Variants in MGAT5B observed in about 807,000 individuals in gnomAD.
The protein encoded by MGAT5B is N-acetylglucosaminyl-transferase Vb.
In MGAT5B, 54 loss-of-function variants were observed where a neutral mutation model predicts 95.1. The observed-to-expected ratio is 0.57, with a 90% CI of 0.46 to 0.71. The LOEUF is 0.71. Among genes scored for constraint, MGAT5B ranks in the 30% least tolerant of loss-of-function variants. MGAT5B has a pLI of 0.00. For synonymous variants in MGAT5B, 464 were observed against 451.0 expected, an observed-to-expected ratio of 1.03 and a Z score of -0.36; for missense variants, 935 against 1,088.6, an observed-to-expected ratio of 0.86 and a Z score of 1.99.
At chr17:76,928,198 C>A (rs1025504315) in intron 10 of MGAT5B, among the ~76,000 whole-genome samples, 13 of 152,088 alleles carry the variant, frequency 8.5e-5, no homozygotes, top group African/African-American at 2.9e-4. Context: ...CGGGACCAGA[C>A]TCCTTCTGCA....
At position 76,948,842 on chromosome 17, in the gene MGAT5B, CG is replaced by C; in HGVS notation, c.*5del. 6.3e-7 allele frequency: 1 copy of C among 1,579,202 alleles called. No homozygotes were observed. On this transcript the variant is annotated 3_prime_UTR_variant, in exon 18 of 18. Coordinates refer to ENST00000569840, the MANE Select transcript of MGAT5B (RefSeq NM_001199172.2). ...CTTGTGCCAGGGCTGTCTGTGAATC[CG>C]CCTCTGCCGCCCTGCCTGGCACCCA...
chr17:76,880,049 G>A (rs1028912040), intron 2 of MGAT5B, among the ~76,000 whole-genome samples: 3 of 152,198 alleles, frequency 2.0e-5, no homozygotes, highest in Non-Finnish European at 4.4e-5. Flanking sequence ...TCTGTTTTCC[G>A]TAGAGGGACT....
chr17:76,893,659 TTTGTA>T (rs1967963075), intron 3 of MGAT5B, among the ~76,000 whole-genome samples: 1 of 152,046 alleles, frequency 6.6e-6, no homozygotes, highest in East Asian at 1.9e-4. Flanking sequence ...GAATTCAAGG[TTTGTA>T]CCCTGGTAAT....
At chr17:76,931,350 G>T (rs1297311938) in intron 10 of MGAT5B, among the ~76,000 whole-genome samples, 1 of 152,226 alleles carries the variant, frequency 6.6e-6, no homozygotes, top group East Asian at 1.9e-4. Context: ...ACCTGCCTTG[G>T]CCTACCAAAG....
Position 76,905,140 on chromosome 17 carries a change from G to A in MGAT5B, c.691-29G>A. ...AATGATGGTGGCCGCAGGTTGAGGG[G>A]CAGAGAGCTGAGGTCTGGACCCCTC... On this transcript the variant is annotated intron_variant, in intron 6 of 17. Coordinates refer to ENST00000569840, the MANE Select transcript of MGAT5B (RefSeq NM_001199172.2). This position sits in a 1 kb window ranked among gnomAD's most constrained non-coding sequence, Gnocchi z 4.2. 1 of 1,579,016 alleles carries A rather than the reference G, an allele frequency of 6.3e-7. No homozygotes were observed. Among genetic ancestry groups the A allele is most frequent in the Non-Finnish European group, 8.7e-7 (1 of 1,155,980 alleles).
At chr17:76,893,619 T>C (rs1198979158) in intron 3 of MGAT5B, among the ~76,000 whole-genome samples, 1 of 152,226 alleles carries the variant, frequency 6.6e-6, no homozygotes, top group Non-Finnish European at 1.5e-5. Flanking sequence ...CCCAGGGGAT[T>C]GTCCCCTGTC....
At chr17:76,881,597 G>A (rs946678772) in intron 2 of MGAT5B, among the ~76,000 whole-genome samples, 4 of 152,300 alleles carry the variant, frequency 2.6e-5, no homozygotes, top group African/African-American at 4.8e-5. Context: ...CCCGGGCCCC[G>A]GGTCCTAGAG....
At chr17:76,895,594 C>T (rs1410815368) in intron 3 of MGAT5B, among the ~76,000 whole-genome samples, 2 of 152,148 alleles carry the variant, frequency 1.3e-5, no homozygotes, top group Non-Finnish European at 2.9e-5. Flanking sequence ...CTGATGGGAG[C>T]ACAATTTGAG....
Position 76,940,410 on chromosome 17 carries a change from C to G in MGAT5B, c.1593C>G (p.Ile531Met). 1.2e-6 allele frequency: 2 copies of G among 1,603,538 alleles called. No homozygotes were observed. The highest frequency in any genetic ancestry group is 1.1e-5 in the South Asian group (1 of 89,344). Residue 531 changes from isoleucine to methionine, a missense_variant, in exon 14 of 18, where the codon ATC (isoleucine) becomes ATG (methionine). Ile to Met is a conservative substitution (Grantham distance 10). This residue lies in a region of MGAT5B where 440 missense variants were observed against 523.6 expected (regional missense o/e 0.84). Coordinates refer to ENST00000569840, the MANE Select transcript of MGAT5B (RefSeq NM_001199172.2). This position sits in a 1 kb window ranked among gnomAD's most constrained non-coding sequence, Gnocchi z 4.3. ...QQLLRKAKLF[I>M]GFGFPYEGPA... ...GCCCCTTGACTCTGCAGCTCTTCAT[C>G]GGGTTTGGCTTCCCCTACGAGGGCC...
chr17:76,900,575 A>C (rs907397337), intron 3 of MGAT5B, among the ~76,000 whole-genome samples: 2 of 152,172 alleles, frequency 1.3e-5, no homozygotes, highest in African/African-American at 2.4e-5. Flanking sequence ...AGGAACACTG[A>C]GGGCTGCTGC....
In MGAT5B at chr17:76,947,955, G is replaced by C; in HGVS notation, c.2049G>C (p.Trp683Cys). The C allele has an allele frequency of 6.2e-7, 1 of 1,612,192 alleles. No individual in the cohort carries two copies. The highest frequency in any genetic ancestry group is 8.5e-7 in the Non-Finnish European group (1 of 1,179,182). Residue 683 changes from tryptophan to cysteine, a missense_variant, in exon 17 of 18, where the codon TGG (tryptophan) becomes TGC (cysteine). Around this residue, in one of 4 missense-constraint regions of MGAT5B, gnomAD observed 440 missense variants for 523.6 expected, o/e 0.84. Transcript: ENST00000569840. ...ACACCAGCTTGGCTCCTGGGGCCTG[G>C]CCCCCCGCGCACGCCCTGCGGGCCT... ...ARNTSLAPGA[W>C]PPAHALRAWL...
chr17:76,886,173 A>C (rs559655640), intron 3 of MGAT5B, among the ~76,000 whole-genome samples: 11 of 152,186 alleles, frequency 7.2e-5, no homozygotes, highest in Admixed American at 2.0e-4. Context: ...AAACCACCGA[A>C]ATTTGAGGCT....
chr17:76,926,862 C>T (rs1385437924), intron 10 of MGAT5B, 132 bp downstream of exon 10: 15 of 1,095,684 alleles, frequency 1.4e-5, no homozygotes, highest in Non-Finnish European at 2.0e-5. Flanking sequence ...TGGGACCCAG[C>T]AAGCATCGCC....
At chr17:76,901,979 C>T (rs1382967847) in intron 3 of MGAT5B, among the ~76,000 whole-genome samples, 1 of 152,272 alleles carries the variant, frequency 6.6e-6, no homozygotes, top group African/African-American at 2.4e-5. Flanking sequence ...CAGATATGGG[C>T]ACACGTGCCA....
chr17:76,882,625 C>T (rs950831027), intron 3 of MGAT5B: 2 of 226,112 alleles, frequency 8.8e-6, no homozygotes, highest in South Asian at 1.5e-4. Flanking sequence ...ATGTTTAACA[C>T]ACACACATTA....
chr17:76,880,716 C>T (rs1385002808), intron 2 of MGAT5B, among the ~76,000 whole-genome samples: 2 of 152,208 alleles, frequency 1.3e-5, no homozygotes, highest in Admixed American at 1.3e-4. Flanking sequence ...GTCCCCTTGC[C>T]CCTCCCCAGG....
intron 3 of MGAT5B, among the ~76,000 whole-genome samples, chr17:76,898,394 T>C (rs1968178889): frequency 6.6e-6 from 1 of 150,860 alleles, no homozygotes; most frequent in Admixed American, 6.6e-5. Context: ...AGTGACGCGA[T>C]CTCGGCTCAC....
intron 9 of MGAT5B, 82 bp from the exon 10 acceptor site, chr17:76,926,515 A>G (rs1969316584): frequency 7.2e-6 from 10 of 1,382,404 alleles, no homozygotes; most frequent in Non-Finnish European, 9.9e-6. Context: ...GGCTGGTGAC[A>G]GTGCTCGTGG....
At chr17:76,948,385 G>C (rs1219303919) in intron 17 of MGAT5B, among the ~76,000 whole-genome samples, 1 of 152,188 alleles carries the variant, frequency 6.6e-6, no homozygotes, top group Non-Finnish European at 1.5e-5. Flanking sequence ...GACCATGAAA[G>C]CTGTCCCAGG....
Sources: gnomAD v4.1 joint callset for allele counts (sites outside exome capture counted in the v4.1 genomes callset) on GRCh38, gnomAD v4.1.1 for gene constraint, gnomAD v4.1.1 regional missense constraint, Gnocchi (gnomAD v3.1) non-coding constraint, MANE v1.5 for transcripts, NCBI Gene and HGNC (gene_info 2026-07-23, HGNC 2026-07-21) for gene names.